The following DNMT1 variants were observed in gnomAD, a reference collection of about 807,000 sequenced individuals.
DNMT1 encodes the protein DNA (cytosine-5)-methyltransferase 1.
In DNMT1, 24 loss-of-function variants were observed where a neutral mutation model predicts 205.3. That is an observed-to-expected ratio of 0.12 (90% CI 0.08 to 0.16). The LOEUF (loss-of-function observed/expected upper bound fraction) is 0.16. DNMT1 is among the 10% of genes least tolerant of loss of function. The pLI is 1.00. For missense variants in DNMT1, 1,293 were observed against 2,177.7 expected, an observed-to-expected ratio of 0.59 and a Z score of 8.09; for synonymous variants, 817 against 839.8, an observed-to-expected ratio of 0.97 and a Z score of 0.47.
chr19:10,179,711 C>T (rs566713736), intron 5 of DNMT1, among the ~76,000 whole-genome samples: 14 of 152,042 alleles, frequency 9.2e-5, no homozygotes, highest in African/African-American at 2.9e-4. Context: ...CAAGTGGGGC[C>T]GGGCACGGTG....
intron 2 of DNMT1, 54 bp from the exon 3 acceptor site, chr19:10,180,939 T>C: frequency 7.0e-7 from 1 of 1,436,338 alleles, no homozygotes. Flanking sequence ...TATTCACTAG[T>C]GGACTAATAC....
At chr19:10,193,520 C>T (rs1288809066) in intron 1 of DNMT1, among the ~76,000 whole-genome samples, 10 of 151,960 alleles carry the variant, frequency 6.6e-5, no homozygotes, top group Admixed American at 2.6e-4. Context: ...CACGGCACTA[C>T]TCCAGGCTAA....
At chr19:10,141,908 A>G in intron 30 of DNMT1, 120 bp downstream of exon 30, 1 of 1,240,010 alleles carries the variant, frequency 8.1e-7, no homozygotes, top group Non-Finnish European at 1.1e-6. Flanking sequence ...TCAGCCAACC[A>G]CCCACTTCTT....
Position 10,146,979 on chromosome 19 carries a change from C to T in DNMT1, c.2721-455G>A, listed in dbSNP as rs1224401684. On this transcript the variant is annotated intron_variant, in intron 27 of 40. Coordinates refer to ENST00000359526, the MANE Select transcript of DNMT1 (RefSeq NM_001130823.3). This position sits in a 1 kb window ranked among gnomAD's most constrained non-coding sequence, Gnocchi z 4.4. ...ATGGCCTTAAAAATAGAGATCAAGG[C>T]CCAGCATGGTGGCTCATGTCTGTAA... Among the ~76,000 whole-genome samples, 2 of 152,176 alleles carry T rather than the reference C, an allele frequency of 1.3e-5. No individual in the cohort carries two copies. Among genetic ancestry groups the T allele is most frequent in the African/African-American group, 4.8e-5 (2 of 41,442 alleles).
chr19:10,149,747 G>A, intron 25 of DNMT1, 90 bp from the exon 26 acceptor site: 1 of 1,608,208 alleles, frequency 6.2e-7, no homozygotes, highest in Non-Finnish European at 8.5e-7. Context: ...GTCCTTTTCA[G>A]TTTTCATCTA....
At chr19:10,163,483 G>T in intron 11 of DNMT1, 123 bp from the exon 12 acceptor site, 1 of 1,021,630 alleles carries the variant, frequency 9.8e-7, no homozygotes, top group Non-Finnish European at 1.5e-6. Context: ...TGTGGAGCTG[G>T]AAGACAGGCA....
At chr19:10,166,430 G>A (rs192464543) in intron 11 of DNMT1, among the ~76,000 whole-genome samples, 168 bp downstream of exon 11, 19 of 152,176 alleles carry the variant, frequency 1.2e-4, no homozygotes, top group Admixed American at 2.6e-4. Context: ...CACAAATCCC[G>A]GCCCCCAAAA....
chr19:10,154,566 G>A lies in DNMT1; in HGVS notation c.1832+20C>T, dbSNP rs1341080511. The A allele has an allele frequency of 6.2e-7, 1 of 1,613,746 alleles. No homozygotes were observed. The highest frequency in any genetic ancestry group is 1.3e-5 in the African/African-American group (1 of 74,914). On this transcript the variant is annotated intron_variant, in intron 21 of 40. Coordinates refer to ENST00000359526, the MANE Select transcript of DNMT1 (RefSeq NM_001130823.3). This position sits in a 1 kb window ranked among gnomAD's most constrained non-coding sequence, Gnocchi z 6.3. ...CTCCCCGGTCTCCAGTCTTCACTCT[G>A]GTCCCTGCCGCATCCTTACCTCTGT... is the stretch of plus-strand genomic sequence containing the variant.
intron 8 of DNMT1, among the ~76,000 whole-genome samples, 178 bp from the exon 9 acceptor site, chr19:10,173,352 C>G (rs1399624793): frequency 6.6e-6 from 1 of 152,140 alleles, no homozygotes; most frequent in Non-Finnish European, 1.5e-5. Flanking sequence ...GGTTCGAATG[C>G]CAGCTGCCCT....
At chr19:10,166,735 C>A (rs201204934) in intron 10 of DNMT1, 50 bp from the exon 11 acceptor site, 1 of 1,605,688 alleles carries the variant, frequency 6.2e-7, no homozygotes, top group East Asian at 2.2e-5. Flanking sequence ...GGGGGGGGCC[C>A]TGCACCGGGG....
intron 38 of DNMT1, 126 bp downstream of exon 38, chr19:10,135,995 G>C: frequency 6.6e-7 from 1 of 1,505,862 alleles, no homozygotes; most frequent in Non-Finnish European, 8.9e-7. Flanking sequence ...AGGGGCAGGA[G>C]GCAGAGGCCA....
Position 10,138,394 on chromosome 19 carries a change from G to A in DNMT1, c.4115+45C>T. 3 of 1,613,158 alleles carry A rather than the reference G, an allele frequency of 1.9e-6. No homozygotes were observed. Among genetic ancestry groups the A allele is most frequent in the Non-Finnish European group, 2.5e-6 (3 of 1,180,002 alleles). ...GTACTCACGGGCCCCATGAGCTACT[G>A]AGGCCTGCTCGGCAGTGTGTGGAGG... On this transcript the variant is annotated intron_variant, in intron 35 of 40. Transcript: ENST00000359526. The surrounding 1 kb of genome is among the most constrained non-coding windows in gnomAD (Gnocchi z 4.1).
In DNMT1 at chr19:10,155,405, T is replaced by C. The variant is rs144299380; in HGVS notation, c.1493-349A>G. Reference sequence around the variant, plus strand: ...CAGGCTGGAGGGCAGTGGCGTGATCTCGGCTCACTGCAACCTCTGTCTGCT... The same window carrying C: ...CAGGCTGGAGGGCAGTGGCGTGATCCCGGCTCACTGCAACCTCTGTCTGCT... On this transcript the variant is annotated intron_variant, in intron 19 of 40. Transcript: ENST00000359526. Among the ~76,000 whole-genome samples, 527 of 151,982 alleles carry C rather than the reference T, an allele frequency of 3.5e-3. 3 individuals carry two copies. Among genetic ancestry groups the C allele is most frequent in the South Asian group, 5.8e-3 (28 of 4,804 alleles).
At chr19:10,184,850 C>G (rs575335339) in intron 1 of DNMT1, among the ~76,000 whole-genome samples, 4 of 152,168 alleles carry the variant, frequency 2.6e-5, no homozygotes, top group Admixed American at 6.6e-5. Flanking sequence ...ACCTAGCACC[C>G]GCACAGACAG....
rs1426697112 is a variant in DNMT1, at chr19:10,156,608, G to A, written c.1281-99C>T. On this transcript the variant is annotated intron_variant, in intron 17 of 40. Transcript: ENST00000359526. This position sits in a 1 kb window ranked among gnomAD's most constrained non-coding sequence, Gnocchi z 4.2. ...CACGAGGCAATGAGAGAATGTACAA[G>A]TCTGACACTCTTTTTTTGTTTGTTT... 1.1e-5 allele frequency: 9 copies of A among 853,212 alleles called. No individual in the cohort carries two copies. The highest frequency in any genetic ancestry group is 1.6e-5 in the Non-Finnish European group (8 of 499,514). The allele number at this position is 853,212 out of a possible 1,614,324, so 52.9% of individuals were successfully genotyped here.
At chr19:10,153,897 A>G (rs1227794079) in intron 22 of DNMT1, among the ~76,000 whole-genome samples, 1 of 152,166 alleles carries the variant, frequency 6.6e-6, no homozygotes, top group Non-Finnish European at 1.5e-5. Flanking sequence ...AAGTAAACAT[A>G]TATTTTAAAA....
rs57711346 is a variant in DNMT1 at position 10,141,303 on chromosome 19, T to G, written c.3310-114A>C. 1,018 of 1,040,274 alleles carry G rather than the reference T, an allele frequency of 9.8e-4. 6 individuals carry two copies. In the African/African-American group the frequency reaches 0.014, roughly 14 times the overall value. 64.4% of individuals were successfully genotyped at this position (1,040,274 alleles called of 1,614,324 possible). On this transcript the variant is annotated intron_variant, in intron 30 of 40. Transcript: ENST00000359526. ...CTTAATTTCTCCCTCAGTGGGGCCATGACCAATTAGCCACCAATAAGAGTA... is the reference window on the plus strand; with the variant it reads ...CTTAATTTCTCCCTCAGTGGGGCCAGGACCAATTAGCCACCAATAAGAGTA...
rs1484017561 is a variant in DNMT1 at position 10,156,557 on chromosome 19, G to A, written c.1281-48C>T. ...GCTTACCAGCTAAGCCGTGAAGGCG[G>A]GTCTTCGTGCAGACTTCAGATCAGG... On this transcript the variant is annotated intron_variant, in intron 17 of 40. Transcript: ENST00000359526. This position sits in a 1 kb window ranked among gnomAD's most constrained non-coding sequence, Gnocchi z 4.2. The A allele has an allele frequency of 7.0e-7, 1 of 1,432,510 alleles. No individual in the cohort carries two copies. The highest frequency in any genetic ancestry group is 1.1e-5 in the South Asian group (1 of 87,480). The allele number at this position is 1,432,510 out of a possible 1,614,324, so 88.7% of individuals were successfully genotyped here. A position where few individuals can be genotyped will look rare whatever the true frequency, so the allele number is the denominator to read the frequency against.
Position 10,154,630 on chromosome 19 carries a change from G to A in DNMT1, c.1788C>T (p.Cys596=), listed in dbSNP as rs1421120401. 1.2e-6 allele frequency: 2 copies of A among 1,614,068 alleles called. No individual in the cohort carries two copies. The highest frequency in any genetic ancestry group is 2.2e-5 in the South Asian group (2 of 91,070). The change falls in exon 21 of 41, where the codon TGC becomes TGT. Residue 596 remains cysteine (C), a synonymous_variant. Coordinates refer to ENST00000359526, the MANE Select transcript of DNMT1 (RefSeq NM_001130823.3). This position sits in a 1 kb window ranked among gnomAD's most constrained non-coding sequence, Gnocchi z 6.3. ...SDEQPIFLTP[C]MRDLIKLAGV... ...CAGCCAGCTTGATCAGGTCCCGCAT[G>A]CAGGGTGTCAGGAAGATGGGCTGCT...
Sources: allele counts gnomAD v4.1 joint callset (sites outside exome capture counted in the v4.1 genomes callset), GRCh38; gene constraint gnomAD v4.1.1; non-coding constraint Gnocchi (gnomAD v3.1); transcripts MANE v1.5; gene names NCBI Gene and HGNC (gene_info 2026-07-23, HGNC 2026-07-21).